The following RARB variants were observed in gnomAD, a reference collection of about 807,000 sequenced individuals.
RARB encodes the protein HBV-activated protein.
RARB carries 17 observed loss-of-function variants against 51.9 expected under a neutral mutation model. The observed-to-expected ratio is 0.33, with a 90% CI of 0.22 to 0.49. RARB has a LOEUF of 0.49. Ranked by LOEUF, RARB falls within the 20% of genes least tolerant of loss-of-function variation. The pLI, the probability that RARB is intolerant of heterozygous loss-of-function variation, is 0.99. For synonymous variants in RARB, 215 were observed against 195.4 expected, an observed-to-expected ratio of 1.10 and a Z score of -0.84; for missense variants, 369 against 550.8, an observed-to-expected ratio of 0.67 and a Z score of 3.30.
chr3:25,465,888 A>G (rs371820245), intron 2 of RARB, among the ~76,000 whole-genome samples: 142 of 152,356 alleles, frequency 9.3e-4, no homozygotes, highest in Non-Finnish European at 1.7e-3. Flanking sequence ...TATTGCTCAT[A>G]GCTAAAATTT....
chr3:25,535,725 G>A (rs1350620009), intron 3 of RARB, among the ~76,000 whole-genome samples: 1 of 152,112 alleles, frequency 6.6e-6, no homozygotes, highest in Non-Finnish European at 1.5e-5. Flanking sequence ...GTCCTTAGCA[G>A]GGACATGGTT....
intron 2 of RARB, among the ~76,000 whole-genome samples, chr3:24,986,902 C>T (rs1025970093): frequency 6.6e-6 from 1 of 152,144 alleles, no homozygotes; most frequent in Non-Finnish European, 1.5e-5. Context: ...TGCTATGCTT[C>T]AGCTGGGCCA....
intron 3 of RARB, among the ~76,000 whole-genome samples, chr3:25,533,755 A>C (rs772633988): frequency 6.6e-6 from 1 of 152,236 alleles, no homozygotes. Context: ...CAATTAACAA[A>C]GTTTAAGTTT....
intron 5 of RARB, among the ~76,000 whole-genome samples, chr3:25,354,953 ACT>A (rs1231401698): frequency 6.6e-6 from 1 of 150,962 alleles, no homozygotes; most frequent in Non-Finnish European, 1.5e-5. Flanking sequence ...ATGAGCACAC[ACT>A]CTGCATTCAG....
intron 2 of RARB, among the ~76,000 whole-genome samples, chr3:24,928,894 G>A (rs1305761352): frequency 3.9e-5 from 6 of 152,022 alleles, no homozygotes; most frequent in East Asian, 1.9e-4. Context: ...AATTGGGTTC[G>A]TTTTAAGAAA....
intron 5 of RARB, among the ~76,000 whole-genome samples, chr3:25,366,554 A>T (rs994360508): frequency 6.6e-6 from 1 of 152,214 alleles, no homozygotes; most frequent in African/African-American, 2.4e-5. Flanking sequence ...GAACTTTGAA[A>T]ATGAGAGTTG....
At chr3:25,110,821 G>A (rs1699589017) in intron 3 of RARB, among the ~76,000 whole-genome samples, 1 of 152,170 alleles carries the variant, frequency 6.6e-6, no homozygotes, top group African/African-American at 2.4e-5. Flanking sequence ...AATAATGTTA[G>A]CTTTGCCCCA....
intron 2 of RARB, among the ~76,000 whole-genome samples, chr3:24,982,338 T>C (rs1434240331): frequency 6.6e-6 from 1 of 152,244 alleles, no homozygotes; most frequent in East Asian, 1.9e-4. Context: ...CTGGTTGATT[T>C]CTACATCTTT....
At chr3:25,210,529 C>CTTTTGTTTTTTTT (rs1701666981) in intron 5 of RARB, among the ~76,000 whole-genome samples, 1 of 27,618 alleles carries the variant, frequency 3.6e-5, no homozygotes, top group Non-Finnish European at 8.7e-5. Context: ...TTATCTGATT[C>CTTTTGTTTTTTTT]TTTTTTTTTT....
At position 25,092,368 on chromosome 3, in the gene RARB, TAAAAC is replaced by T. The variant is rs147474460; in HGVS notation, c.-328+32202_-328+32206del. On this transcript the variant is annotated intron_variant, in intron 3 of 11. Transcript: ENST00000383772. The stretch of plus-strand genomic sequence containing the variant: ...TTGTTCATTTGTTTGCCCAAGATCT[TAAAAC>T]AAAACAAAAAAACCTCTTTCCATAT... Among the ~76,000 whole-genome samples, 960 of 152,142 alleles carry T rather than the reference TAAAAC, an allele frequency of 6.3e-3. 10 individuals carry two copies. The highest frequency in any genetic ancestry group is 0.021 in the African/African-American group (879 of 41,470).
chr3:25,081,821 T>TG (rs1474055702), intron 3 of RARB, among the ~76,000 whole-genome samples: 2 of 150,218 alleles, frequency 1.3e-5, no homozygotes, highest in Middle Eastern at 3.4e-3. Context: ...TCAGTAGAGA[T>TG]GGGGTTTCAC....
chr3:25,217,719 T>C (rs1209349805), intron 5 of RARB, among the ~76,000 whole-genome samples: 3 of 152,172 alleles, frequency 2.0e-5, no homozygotes, highest in Non-Finnish European at 4.4e-5. Context: ...CTTCGCTCAG[T>C]GTAATGTATT....
At chr3:25,294,511 A>G (rs1487893734) in intron 5 of RARB, among the ~76,000 whole-genome samples, 2 of 152,200 alleles carry the variant, frequency 1.3e-5, no homozygotes, top group African/African-American at 4.8e-5. Flanking sequence ...GGGGCCACCC[A>G]GACATTAGCT....
chr3:25,254,855 G>A (rs1702822507), intron 5 of RARB, among the ~76,000 whole-genome samples: 1 of 151,966 alleles, frequency 6.6e-6, no homozygotes, highest in African/African-American at 2.4e-5. Context: ...CTTACATGTT[G>A]CTATCATGCT....
intron 3 of RARB, among the ~76,000 whole-genome samples, chr3:25,508,667 G>A (rs1028876580): frequency 6.6e-6 from 1 of 151,970 alleles, no homozygotes; most frequent in South Asian, 2.1e-4. Flanking sequence ...TGCTTCCAGG[G>A]TTCACTGTGA....
intron 3 of RARB, among the ~76,000 whole-genome samples, chr3:25,527,204 G>A (rs527859571): frequency 4.7e-4 from 71 of 152,266 alleles, no homozygotes; most frequent in Admixed American, 2.7e-3. Context: ...TGGTCCTCAG[G>A]TCCTTCTTTG....
At chr3:25,491,817 T>C (rs1232138375) in intron 2 of RARB, among the ~76,000 whole-genome samples, 1 of 152,034 alleles carries the variant, frequency 6.6e-6, no homozygotes, top group African/African-American at 2.4e-5. Context: ...GGCAGGTGCC[T>C]GTGATCCTAG....
intron 2 of RARB, among the ~76,000 whole-genome samples, chr3:25,026,954 TATTC>T (rs1697761826): frequency 1.3e-5 from 2 of 150,542 alleles, no homozygotes; most frequent in African/African-American, 4.9e-5. Context: ...TCATTTTTCT[TATTC>T]ATATCATTTA....
intron 1 of RARB, among the ~76,000 whole-genome samples, chr3:24,843,077 G>A (rs560418434): frequency 5.9e-5 from 9 of 152,272 alleles, no homozygotes; most frequent in South Asian, 2.1e-4. Flanking sequence ...TCATTACCAC[G>A]AAGGGAAAAC....
Sources: allele counts gnomAD v4.1 joint callset (sites outside exome capture counted in the v4.1 genomes callset), GRCh38; gene constraint gnomAD v4.1.1; transcripts MANE v1.5; gene names NCBI Gene and HGNC (gene_info 2026-07-23, HGNC 2026-07-21).